The following LRRC69 variants were observed in gnomAD, a reference collection of about 807,000 sequenced individuals.
LRRC69 encodes the protein leucine-rich repeat-containing protein 69.
A neutral mutation model predicts 37.8 loss-of-function variants in LRRC69; 42 were observed. That is an observed-to-expected ratio of 1.11 (90% CI 0.87 to 1.44). LRRC69 has a LOEUF of 1.44. LRRC69 is among the 40% of genes most tolerant of loss of function. LRRC69 has a pLI of 0.00. For missense variants in LRRC69, 357 were observed against 401.9 expected, an observed-to-expected ratio of 0.89 and a Z score of 0.96; for synonymous variants, 141 against 143.1, an observed-to-expected ratio of 0.99 and a Z score of 0.11.
At chr8:91,191,549 A>G (rs1809496425) in intron 6 of LRRC69, among the ~76,000 whole-genome samples, 1 of 152,180 alleles carries the variant, frequency 6.6e-6, no homozygotes, top group Non-Finnish European at 1.5e-5. Context: ...GAGGTCACAG[A>G]GCTACTAAGT....
At chr8:91,192,226 T>G (rs575386306) in intron 6 of LRRC69, among the ~76,000 whole-genome samples, 6 of 152,312 alleles carry the variant, frequency 3.9e-5, no homozygotes. Context: ...GTGCCACATT[T>G]TCTTTATCCA....
intron 5 of LRRC69, among the ~76,000 whole-genome samples, chr8:91,160,929 T>C (rs1586256422): frequency 6.6e-6 from 1 of 151,342 alleles, no homozygotes; most frequent in African/African-American, 2.4e-5. Flanking sequence ...TTACTGTGGG[T>C]TTATCACATA....
chr8:91,182,180 C>T (rs1215923017), intron 5 of LRRC69, among the ~76,000 whole-genome samples: 2 of 151,958 alleles, frequency 1.3e-5, no homozygotes, highest in East Asian at 3.9e-4. Flanking sequence ...CTATACAACC[C>T]ATTGACAACT....
At chr8:91,150,148 T>C (rs1029106590) in intron 5 of LRRC69, among the ~76,000 whole-genome samples, 24 of 152,034 alleles carry the variant, frequency 1.6e-4, no homozygotes, top group African/African-American at 5.6e-4. Flanking sequence ...AGAGAGGGCA[T>C]CCCTGTCTTG....
intron 1 of LRRC69, among the ~76,000 whole-genome samples, chr8:91,113,864 A>G (rs1436712229): frequency 1.3e-5 from 2 of 151,552 alleles, no homozygotes; most frequent in Non-Finnish European, 2.9e-5. Flanking sequence ...AATAGCAAGA[A>G]ACAAACAAAC....
chr8:91,109,845 T>C (rs1387703024), intron 1 of LRRC69, among the ~76,000 whole-genome samples: 2 of 152,054 alleles, frequency 1.3e-5, no homozygotes, highest in African/African-American at 2.4e-5. Context: ...CAAAATTAAA[T>C]AGTAGCTTTG....
chr8:91,133,445 A>G (rs1036115992), intron 4 of LRRC69, 140 bp downstream of exon 4: 3 of 564,976 alleles, frequency 5.3e-6, no homozygotes, highest in Non-Finnish European at 8.7e-6. Context: ...CAGTTCCCAA[A>G]TCCCTATGAC....
chr8:91,177,850 C>CTTTTTTTTTTT (rs10645044), intron 5 of LRRC69, among the ~76,000 whole-genome samples: 1 of 130,840 alleles, frequency 7.6e-6, no homozygotes, highest in African/African-American at 2.9e-5. Context: ...TTCTGCTTTT[C>CTTTTTTTTTTT]TTTTTTTTTT....
intron 1 of LRRC69, among the ~76,000 whole-genome samples, chr8:91,121,584 A>G (rs1454797865): frequency 6.6e-6 from 1 of 152,026 alleles, no homozygotes; most frequent in East Asian, 1.9e-4. Context: ...AACTTCTAAG[A>G]CAGGTTCTCC....
At chr8:91,161,635 G>C (rs951857305) in intron 5 of LRRC69, among the ~76,000 whole-genome samples, 15 of 151,076 alleles carry the variant, frequency 9.9e-5, no homozygotes, top group African/African-American at 3.6e-4. Context: ...ATATTAATGT[G>C]TCTCCTTTTT....
In LRRC69 at chr8:91,135,743, A is replaced by G; in HGVS notation, c.651+4A>G. ...TATTCAGATATTTCCATCAGGAGTA[A>G]GTAGAGTCAACTTCCATTATAATTG... is the stretch of plus-strand genomic sequence containing the variant. On this transcript the variant is annotated splice_donor_region_variant and intron_variant, in intron 5 of 7. Coordinates refer to ENST00000448384, the Ensembl canonical transcript of LRRC69. 2 of 1,392,034 alleles carry G rather than the reference A, an allele frequency of 1.4e-6. No individual in the cohort carries two copies. The highest frequency in any genetic ancestry group is 1.9e-6 in the Non-Finnish European group (2 of 1,060,828). 86.2% of individuals were successfully genotyped at this position (1,392,034 alleles called of 1,614,324 possible). A position where few individuals can be genotyped will look rare whatever the true frequency, so the allele number is the denominator to read the frequency against.
At position 91,211,621 on chromosome 8, in the gene LRRC69, T is replaced by A. The variant is rs1037403190; in HGVS notation, c.934-7269T>A. ...ATATATATATATATATATATATTTT[T>A]TTTTTATTTTTTTTGCTTGGAAGCC... On this transcript the variant is annotated intron_variant, in intron 7 of 7. Coordinates refer to ENST00000448384, the Ensembl canonical transcript of LRRC69. Among the ~76,000 whole-genome samples the A allele has an allele frequency of 1.7e-4, 25 of 144,984 alleles. No homozygotes were observed. The South Asian group carries it at 1.9e-3, about 11-fold the overall frequency.
At chr8:91,125,493 G>C (rs1813700616) in intron 2 of LRRC69, among the ~76,000 whole-genome samples, 1 of 151,742 alleles carries the variant, frequency 6.6e-6, no homozygotes, top group African/African-American at 2.4e-5. Context: ...CAAAATAATA[G>C]ATGTAACAAA....
chr8:91,218,075 G>C (rs533075297), intron 7 of LRRC69, among the ~76,000 whole-genome samples: 2 of 152,246 alleles, frequency 1.3e-5, no homozygotes, highest in East Asian at 3.9e-4. Flanking sequence ...TTGTGGAAGA[G>C]TGAACAGAAC....
chr8:91,113,705 A>AC (rs1813451307), intron 1 of LRRC69, among the ~76,000 whole-genome samples: 1 of 151,926 alleles, frequency 6.6e-6, no homozygotes, highest in Non-Finnish European at 1.5e-5. Context: ...GCAAAAATGG[A>AC]CAAATGGATA....
intron 1 of LRRC69, among the ~76,000 whole-genome samples, chr8:91,113,972 CAA>C (rs34806474): frequency 3.1e-4 from 19 of 60,482 alleles, no homozygotes; most frequent in African/African-American, 8.4e-4. Flanking sequence ...AGACTTGTCT[CAA>C]AAAAAAAAAA....
chr8:91,184,233 C>T (rs559171506), intron 5 of LRRC69, among the ~76,000 whole-genome samples: 110 of 152,060 alleles, frequency 7.2e-4, no homozygotes, highest in Non-Finnish European at 1.3e-3. Flanking sequence ...GAGCTGAGAT[C>T]GTACCACTGC....
intron 6 of LRRC69, among the ~76,000 whole-genome samples, 165 bp downstream of exon 6, chr8:91,189,788 A>G (rs1469976194): frequency 6.6e-6 from 1 of 152,206 alleles, no homozygotes; most frequent in Non-Finnish European, 1.5e-5. Flanking sequence ...TGCTTATAGA[A>G]TCCAGTGAAA....
intron 5 of LRRC69, among the ~76,000 whole-genome samples, chr8:91,172,593 G>T (rs1271169656): frequency 1.3e-5 from 2 of 151,850 alleles, no homozygotes; most frequent in African/African-American, 4.8e-5. Flanking sequence ...TCAGCTCACC[G>T]CAACCTCCAC....
Sources: allele counts gnomAD v4.1 joint callset (sites outside exome capture counted in the v4.1 genomes callset), GRCh38; gene constraint gnomAD v4.1.1; transcripts MANE v1.5; gene names NCBI Gene and HGNC (gene_info 2026-07-23, HGNC 2026-07-21).